Variants in SLC4A4 observed in about 807,000 individuals in gnomAD.
SLC4A4 encodes solute carrier family 4 member 4.
SLC4A4 carries 27 observed loss-of-function variants against 111.5 expected under a neutral mutation model. The observed-to-expected ratio is 0.24, with a 90% CI of 0.18 to 0.33. The LOEUF (loss-of-function observed/expected upper bound fraction) is 0.33, where lower values mean the gene tolerates loss of function less well. Among genes scored for constraint, SLC4A4 ranks in the 10% least tolerant of loss-of-function variants. SLC4A4 has a pLI of 1.00. For missense variants in SLC4A4, 909 were observed against 1,315.5 expected (o/e 0.69, Z 4.78); for synonymous variants, 443 against 463.4 (o/e 0.96, Z 0.57).
chr4:71,070,190 G>T (rs1036564162), intron 1 of SLC4A4, among the ~76,000 whole-genome samples: 2 of 152,164 alleles, frequency 1.3e-5, no homozygotes, highest in African/African-American at 4.8e-5. Flanking sequence ...TAACACAGTG[G>T]ACTCCTGTGT....
At chr4:71,159,435 G>C (rs956943927) in intron 2 of SLC4A4, among the ~76,000 whole-genome samples, 2 of 151,982 alleles carry the variant, frequency 1.3e-5, no homozygotes, top group Admixed American at 1.3e-4. Flanking sequence ...GTATAGTGGC[G>C]TGATCTTGGC....
chr4:71,284,820 A>G (rs1443516024), intron 3 of SLC4A4, among the ~76,000 whole-genome samples: 2 of 152,050 alleles, frequency 1.3e-5, no homozygotes, highest in African/African-American at 4.8e-5. Context: ...TCTGCTGATT[A>G]TTTTGAGCTT....
At chr4:71,176,719 T>C (rs1745105928) in intron 2 of SLC4A4, among the ~76,000 whole-genome samples, 2 of 152,268 alleles carry the variant, frequency 1.3e-5, no homozygotes, top group East Asian at 1.9e-4. Context: ...TACCTGAAAG[T>C]GACAGGGAGA....
intron 1 of SLC4A4, among the ~76,000 whole-genome samples, chr4:71,192,063 CTT>C: frequency 6.6e-6 from 1 of 152,242 alleles, no homozygotes; most frequent in Non-Finnish European, 1.5e-5. Flanking sequence ...AGAAAAATCT[CTT>C]AATATATTGA....
chr4:71,116,737 A>T (rs1330128284), intron 2 of SLC4A4, among the ~76,000 whole-genome samples: 3 of 152,210 alleles, frequency 2.0e-5, no homozygotes, highest in Non-Finnish European at 4.4e-5. Flanking sequence ...TGAGGTTGCG[A>T]GTTCGAGACC....
intron 3 of SLC4A4, among the ~76,000 whole-genome samples, chr4:71,307,568 G>A (rs1003021440): frequency 1.3e-5 from 2 of 152,148 alleles, no homozygotes; most frequent in South Asian, 2.1e-4. Context: ...TTGTTAAATC[G>A]TCAACAGCAG....
intron 1 of SLC4A4, among the ~76,000 whole-genome samples, chr4:71,229,974 G>C (rs1181969481): frequency 6.6e-6 from 1 of 152,084 alleles, no homozygotes; most frequent in Non-Finnish European, 1.5e-5. Flanking sequence ...CTGGGGCTTA[G>C]AGAATTGTGT....
At chr4:71,268,118 A>C (rs1722437347) in intron 3 of SLC4A4, among the ~76,000 whole-genome samples, 1 of 128,920 alleles carries the variant, frequency 7.8e-6, no homozygotes. Context: ...AATCTCAGCA[A>C]AAGCTTTTGG....
intron 2 of SLC4A4, among the ~76,000 whole-genome samples, chr4:71,121,643 T>TAA (rs1743432095): frequency 6.6e-6 from 1 of 152,142 alleles, no homozygotes; most frequent in African/African-American, 2.4e-5. Flanking sequence ...TCAGGGATTG[T>TAA]AAATGCACCA....
chr4:71,528,804 A>C (rs1227981574), intron 16 of SLC4A4, among the ~76,000 whole-genome samples: 1 of 152,076 alleles, frequency 6.6e-6, no homozygotes, highest in African/African-American at 2.4e-5. Context: ...AAATAGAATA[A>C]AAGTGGAAAA....
chr4:71,303,995 A>T (rs1466579011), intron 3 of SLC4A4, among the ~76,000 whole-genome samples: 1 of 152,150 alleles, frequency 6.6e-6, no homozygotes, highest in Non-Finnish European at 1.5e-5. Context: ...TTACTTGAAA[A>T]AGCTATTTCA....
At chr4:71,566,167 A>G (rs1470754934) in intron 24 of SLC4A4, among the ~76,000 whole-genome samples, 2 of 151,894 alleles carry the variant, frequency 1.3e-5, no homozygotes, top group East Asian at 1.9e-4. Context: ...TTTGTAACCT[A>G]TAACTTGTAA....
At chr4:71,520,583 G>T in intron 16 of SLC4A4, among the ~76,000 whole-genome samples, 1 of 152,156 alleles carries the variant, frequency 6.6e-6, no homozygotes, top group Non-Finnish European at 1.5e-5. Flanking sequence ...GGAAAGTTTG[G>T]CTAGATGACA....
chr4:71,341,785 T>C (rs888653072), intron 4 of SLC4A4, among the ~76,000 whole-genome samples: 2 of 152,126 alleles, frequency 1.3e-5, no homozygotes, highest in African/African-American at 4.8e-5. Context: ...TATTTGATAA[T>C]GGGGGAGAAG....
chr4:71,397,640 C>T lies in SLC4A4; in HGVS notation c.794C>T (p.Pro265Leu), dbSNP rs765868207. 15 of 1,613,686 alleles carry T rather than the reference C, an allele frequency of 9.3e-6. No homozygotes were observed. The highest frequency in any genetic ancestry group is 6.6e-5 in the South Asian group (6 of 91,072). ...AGTCTGAATGACATTTCTGATAAAC[C>T]GGAGAAGGACCAGGTAAGCAAAAAA... ...SSSLNDISDK[P>L]EKDQLKNKFM... is the part of the protein sequence containing the mutation. The change falls in exon 7 of 26, where the codon CCG becomes CTG. Residue 265 changes from proline (P) to leucine (L), a missense_variant. Around this residue, in one of 7 missense-constraint regions of SLC4A4, gnomAD observed 312 missense variants for 402.0 expected, o/e 0.78. Coordinates refer to ENST00000264485, the MANE Select transcript of SLC4A4 (RefSeq NM_001098484.3).
chr4:71,375,556 G>C (rs1356134546), intron 6 of SLC4A4, among the ~76,000 whole-genome samples: 1 of 152,108 alleles, frequency 6.6e-6, no homozygotes, highest in African/African-American at 2.4e-5. Flanking sequence ...TACTGACCTT[G>C]AACTCTGATC....
chr4:71,506,454 G>A lies in SLC4A4; in HGVS notation c.2166+8762G>A, dbSNP rs10016793. On this transcript the variant is annotated intron_variant, in intron 16 of 25. Transcript: ENST00000264485. ...GTATTTTATTCTTTTTGTGGCAGTT[G>A]TGAATGGGAGTTCATCTGTGATTTG... Among the ~76,000 whole-genome samples, 1,033 of 152,122 alleles carry A rather than the reference G, an allele frequency of 6.8e-3. 13 individuals are homozygous for A. Among genetic ancestry groups the A allele is most frequent in the African/African-American group, 0.023 (967 of 41,498 alleles).
chr4:71,268,083 T>TTTTTG (rs1437310327), intron 3 of SLC4A4, among the ~76,000 whole-genome samples: 6 of 146,964 alleles, frequency 4.1e-5, no homozygotes, highest in African/African-American at 1.2e-4. Flanking sequence ...GTGTTTTTTT[T>TTTTTG]TTTTTTTTTT....
chr4:71,185,771 C>G (rs1467647650), upstream of SLC4A4, among the ~76,000 whole-genome samples: 1 of 151,910 alleles, frequency 6.6e-6, no homozygotes, highest in Non-Finnish European at 1.5e-5. Context: ...CCTCCCTACC[C>G]TCATTTTTTT....
Sources: allele counts gnomAD v4.1 joint callset (sites outside exome capture counted in the v4.1 genomes callset), GRCh38; gene constraint gnomAD v4.1.1; regional missense constraint gnomAD v4.1.1; transcripts MANE v1.5; gene names NCBI Gene and HGNC (gene_info 2026-07-23, HGNC 2026-07-21).